The following SMG1 variants were observed in gnomAD, a reference collection of about 807,000 sequenced individuals.
SMG1 encodes the protein SMG1 nonsense mediated mRNA decay associated PI3K related kinase.
In SMG1, 22 loss-of-function variants were observed where a neutral mutation model predicts 419.9. The ratio of observed to expected loss-of-function variants is 0.05; its 90% CI spans 0.04 to 0.07. SMG1 has a LOEUF of 0.07. SMG1 is among the 10% of genes least tolerant of loss of function. The probability of loss-of-function intolerance (pLI) is 1.00; values close to 1 mark genes in which losing one functional copy is unlikely to be tolerated. For synonymous variants in SMG1, 1,538 were observed against 1,553.5 expected, an observed-to-expected ratio of 0.99 and a Z score of 0.23; for missense variants, 3,185 against 4,342.0, an observed-to-expected ratio of 0.73 and a Z score of 7.49.
At chr16:18,843,266 G>A (rs908107269) in intron 39 of SMG1, among the ~76,000 whole-genome samples, 7 of 152,174 alleles carry the variant, frequency 4.6e-5, no homozygotes, top group African/African-American at 1.7e-4. Flanking sequence ...GAAATTTGGT[G>A]GATCTCTAAG....
At chr16:18,889,253 C>G (rs2141793337) in intron 6 of SMG1, 119 bp downstream of exon 6, 1 of 508,034 alleles carries the variant, frequency 2.0e-6, no homozygotes, top group Non-Finnish European at 3.6e-6. Flanking sequence ...AAACATATTT[C>G]CTATCAGTAG....
chr16:18,809,742 T>G (rs1344497696), intron 62 of SMG1, 96 bp from the exon 63 acceptor site: 1 of 883,510 alleles, frequency 1.1e-6, no homozygotes, highest in Non-Finnish European at 1.8e-6. Flanking sequence ...AAAAGTTAAG[T>G]GCAAAGGACT....
intron 6 of SMG1, among the ~76,000 whole-genome samples, chr16:18,887,982 A>C (rs1358341498): frequency 6.6e-6 from 1 of 151,218 alleles, no homozygotes; most frequent in Non-Finnish European, 1.5e-5. Context: ...CATGGCCAGC[A>C]CAACGAAACC....
intron 8 of SMG1, 25 bp from the exon 9 acceptor site, chr16:18,884,192 A>G (rs2036522009): frequency 1.6e-6 from 2 of 1,250,744 alleles, no homozygotes; most frequent in South Asian, 1.3e-5. Context: ...AGAAATTGTG[A>G]AAGGGTAGGG....
intron 48 of SMG1, 76 bp downstream of exon 48, chr16:18,835,857 C>G: frequency 7.1e-7 from 1 of 1,409,888 alleles, no homozygotes. Flanking sequence ...CAAGATCATG[C>G]CACCACACTC....
At chr16:18,839,290 C>A (rs1394416671) in intron 42 of SMG1, among the ~76,000 whole-genome samples, 2 of 152,032 alleles carry the variant, frequency 1.3e-5, no homozygotes, top group Non-Finnish European at 2.9e-5. Context: ...TTCTGTCACC[C>A]AGGTAATGAA....
intron 1 of SMG1, among the ~76,000 whole-genome samples, chr16:18,918,557 G>GT (rs1014132854): frequency 6.6e-6 from 1 of 151,910 alleles, no homozygotes; most frequent in African/African-American, 2.4e-5. Flanking sequence ...CCAGGTTTTT[G>GT]TTTTTGTTTT....
intron 1 of SMG1, among the ~76,000 whole-genome samples, chr16:18,924,638 G>C (rs1422312564): frequency 6.6e-6 from 1 of 152,028 alleles, no homozygotes; most frequent in South Asian, 2.1e-4. Context: ...TACAAGACAA[G>C]TCAACGCTGT....
At chr16:18,829,875 T>A in intron 53 of SMG1, 51 bp downstream of exon 53, 2 of 1,460,966 alleles carry the variant, frequency 1.4e-6, no homozygotes, top group Non-Finnish European at 1.8e-6. Flanking sequence ...TCCTGCCCCC[T>A]TCCATAGTGC....
At chr16:18,851,346 C>T (rs921808261) in intron 33 of SMG1, among the ~76,000 whole-genome samples, 1 of 152,134 alleles carries the variant, frequency 6.6e-6, no homozygotes, top group Non-Finnish European at 1.5e-5. Context: ...TCATCTAGTC[C>T]ATTTTCAACA....
intron 56 of SMG1, 131 bp downstream of exon 56, chr16:18,819,371 G>A (rs928375474): frequency 4.5e-5 from 41 of 910,192 alleles, no homozygotes; most frequent in African/African-American, 1.5e-4. Context: ...AGGCCCATCC[G>A]TCCCTCCTCC....
chr16:18,855,746 CAT>C (rs2034864255), intron 29 of SMG1, among the ~76,000 whole-genome samples: 1 of 152,162 alleles, frequency 6.6e-6, no homozygotes, highest in African/African-American at 2.4e-5. Context: ...GAGACTTCAG[CAT>C]AACTTAGGTC....
intron 10 of SMG1, among the ~76,000 whole-genome samples, chr16:18,879,983 C>T (rs866469009): frequency 2.6e-5 from 4 of 152,200 alleles, no homozygotes; most frequent in Non-Finnish European, 4.4e-5. Flanking sequence ...TACCCAACTT[C>T]GTTTCTCCCA....
chr16:18,892,281 T>C lies in SMG1; in HGVS notation c.486A>G (p.Arg162=). The change falls in exon 4 of 63, where the codon AGA becomes AGG. Residue 162 remains arginine (R), a synonymous_variant. Transcript: ENST00000446231. ...GCTTTACAGTAGCCAATCTTCGGTC[T>C]CTGTCGTCTTCCCGGGTGATCCTCC... ...LLRRITREDD[R]DRRLATVKQL... 1 of 1,551,688 alleles carries C rather than the reference T, an allele frequency of 6.4e-7. No individual in the cohort carries two copies. The highest frequency in any genetic ancestry group is 8.7e-7 in the Non-Finnish European group (1 of 1,147,188).
chr16:18,858,000 TG>T, intron 29 of SMG1, 169 bp downstream of exon 29: 1 of 461,584 alleles, frequency 2.2e-6, no homozygotes, highest in Non-Finnish European at 3.8e-6. Flanking sequence ...GGGAACCTTC[TG>T]GGGTAAGACG....
In SMG1 at chr16:18,828,068, G is replaced by A; in HGVS notation, c.9704C>T (p.Thr3235Ile). 2 of 1,613,250 alleles carry A rather than the reference G, an allele frequency of 1.2e-6. No homozygotes were observed. Among genetic ancestry groups the A allele is most frequent in the Non-Finnish European group, 1.7e-6 (2 of 1,179,522 alleles). Residue 3235 changes from threonine (T) to isoleucine (I), a missense_variant, in exon 55 of 63, where the codon ACC becomes ATC. By Grantham distance (89) the Thr-to-Ile change is moderately conservative (BLOSUM62 -1). Transcript: ENST00000446231. Reference sequence around the variant, plus strand: ...AATAGAAGTTTCAATCTGGCTCAGGGTATGCAGCTTCTTTTTCATGCTGGT... The same window carrying A: ...AATAGAAGTTTCAATCTGGCTCAGGATATGCAGCTTCTTTTTCATGCTGGT... ...ILTSMKKKLH[T>I]LSQIETSIAT...
At chr16:18,882,908 T>A (rs2036461767) in intron 9 of SMG1, among the ~76,000 whole-genome samples, 1 of 152,092 alleles carries the variant, frequency 6.6e-6, no homozygotes. Context: ...CAGAAGAGAA[T>A]GAGATCTTAA....
chr16:18,924,654 G>A (rs1002408428), intron 1 of SMG1, among the ~76,000 whole-genome samples: 6 of 151,814 alleles, frequency 4.0e-5, no homozygotes, highest in African/African-American at 1.5e-4. Context: ...GCTGTTTATC[G>A]AACAATATTT....
Position 18,875,895 on chromosome 16 carries a change from T to A in SMG1, c.1890+229A>T, listed in dbSNP as rs1213254747. ...GACATTTTCTAGAAAATAAAACTAA[T>A]ATAAAAAAACTTATCAAGATTTGTC... On this transcript the variant is annotated intron_variant, in intron 13 of 62. Coordinates refer to ENST00000446231, the MANE Select transcript of SMG1 (RefSeq NM_015092.5). 2.7e-5 allele frequency: 15 copies of A among 548,532 alleles called. 1 individual carries two copies. The Middle Eastern group carries it at 2.3e-3, about 86-fold the overall frequency. 34.0% of individuals were successfully genotyped at this position (548,532 alleles called of 1,614,324 possible).
Sources: allele counts gnomAD v4.1 joint callset (sites outside exome capture counted in the v4.1 genomes callset), GRCh38; gene constraint gnomAD v4.1.1; transcripts MANE v1.5; gene names NCBI Gene and HGNC (gene_info 2026-07-23, HGNC 2026-07-21).